Variants in TGFBR3 observed in about 807,000 individuals in gnomAD.
TGFBR3 encodes the protein transforming growth factor beta receptor 3, also known as transforming growth factor beta receptor type 3.
TGFBR3 carries 46 observed loss-of-function variants against 87.9 expected under a neutral mutation model. That is an observed-to-expected ratio of 0.52 (90% CI 0.41 to 0.67). The LOEUF is 0.67. TGFBR3 is among the 30% of genes least tolerant of loss of function. The pLI is 0.00. For missense variants in TGFBR3, 866 were observed against 1,041.9 expected (o/e 0.83, Z 2.32); for synonymous variants, 381 against 391.6 (o/e 0.97, Z 0.32).
intron 2 of TGFBR3, among the ~76,000 whole-genome samples, chr1:91,816,007 G>A (rs764144011): frequency 7.9e-5 from 12 of 152,272 alleles, no homozygotes; most frequent in Non-Finnish European, 1.2e-4. Context: ...CTGTGGATGA[G>A]AACCTCTCTG....
At chr1:91,727,595 A>G in intron 7 of TGFBR3, 64 bp downstream of exon 7, 1 of 1,600,196 alleles carries the variant, frequency 6.2e-7, no homozygotes, top group Non-Finnish European at 8.6e-7. Flanking sequence ...TAACACTTAT[A>G]AAGTACAGCT....
intron 3 of TGFBR3, among the ~76,000 whole-genome samples, chr1:91,762,243 TACCAA>T (rs1451455553): frequency 6.6e-6 from 1 of 152,120 alleles, no homozygotes; most frequent in Non-Finnish European, 1.5e-5. Context: ...ACCCTCTCCT[TACCAA>T]ACCAAACCAA....
intron 7 of TGFBR3, among the ~76,000 whole-genome samples, chr1:91,726,515 T>C (rs1225454820): frequency 7.0e-6 from 1 of 142,768 alleles, no homozygotes; most frequent in Non-Finnish European, 1.5e-5. Flanking sequence ...ACTGGGATCC[T>C]AGCAAAGTTA....
At chr1:91,707,028 CACA>C (rs1305379709) in intron 14 of TGFBR3, among the ~76,000 whole-genome samples, 4 of 152,230 alleles carry the variant, frequency 2.6e-5, no homozygotes, top group African/African-American at 9.6e-5. Flanking sequence ...ATGTACACTT[CACA>C]ACAACTTTAG....
intron 2 of TGFBR3, among the ~76,000 whole-genome samples, chr1:91,856,709 C>G (rs1372393991): frequency 1.3e-5 from 2 of 152,202 alleles, no homozygotes; most frequent in Non-Finnish European, 2.9e-5. Flanking sequence ...ATAAAGAAGG[C>G]CCACTACTTG....
intron 5 of TGFBR3, among the ~76,000 whole-genome samples, chr1:91,733,733 A>G (rs907285285): frequency 6.6e-6 from 1 of 152,164 alleles, no homozygotes; most frequent in African/African-American, 2.4e-5. Flanking sequence ...AACTGAAAAT[A>G]ATGATTTTTA....
intron 3 of TGFBR3, among the ~76,000 whole-genome samples, chr1:91,765,094 T>C (rs1277973407): frequency 6.6e-6 from 1 of 151,964 alleles, no homozygotes; most frequent in African/African-American, 2.4e-5. Context: ...TTAGCATTCA[T>C]GTACTTTATG....
chr1:91,811,708 A>C (rs1345039157), intron 2 of TGFBR3, among the ~76,000 whole-genome samples: 1 of 152,222 alleles, frequency 6.6e-6, no homozygotes, highest in East Asian at 1.9e-4. Context: ...ATTATTGTTT[A>C]ATAAACTCTC....
At chr1:91,766,041 T>C (rs1674169730) in intron 3 of TGFBR3, among the ~76,000 whole-genome samples, 1 of 152,146 alleles carries the variant, frequency 6.6e-6, no homozygotes, top group Non-Finnish European at 1.5e-5. Context: ...AGTTCTCCTT[T>C]TTTTGAGACA....
chr1:91,870,736 C>A (rs1443968432), intron 1 of TGFBR3, among the ~76,000 whole-genome samples: 1 of 152,168 alleles, frequency 6.6e-6, no homozygotes, highest in Non-Finnish European at 1.5e-5. Context: ...GTGGTTCACA[C>A]CTATAATCCC....
At chr1:91,713,155 G>T (rs1318141180) in intron 12 of TGFBR3, among the ~76,000 whole-genome samples, 2 of 152,192 alleles carry the variant, frequency 1.3e-5, no homozygotes, top group African/African-American at 4.8e-5. Context: ...TGTCCCAGCT[G>T]CTCACAGATC....
intron 3 of TGFBR3, among the ~76,000 whole-genome samples, chr1:91,773,303 G>C (rs1176324190): frequency 5.9e-5 from 9 of 151,644 alleles, no homozygotes; most frequent in Admixed American, 3.3e-4. Context: ...AAATGAAAAG[G>C]TTAGACTCTA....
At chr1:91,685,543 C>T (rs1245645825) in intron 16 of TGFBR3, among the ~76,000 whole-genome samples, 1 of 151,996 alleles carries the variant, frequency 6.6e-6, no homozygotes. Context: ...AGGATGGTAT[C>T]GATCTCCTGA....
At chr1:91,808,795 C>T (rs1259231399) in intron 2 of TGFBR3, among the ~76,000 whole-genome samples, 1 of 152,094 alleles carries the variant, frequency 6.6e-6, no homozygotes, top group Non-Finnish European at 1.5e-5. Flanking sequence ...ATATGGTGCA[C>T]CTGTCCCTAT....
intron 1 of TGFBR3, among the ~76,000 whole-genome samples, chr1:91,883,125 A>G (rs1262961588): frequency 6.6e-6 from 1 of 152,214 alleles, no homozygotes; most frequent in East Asian, 1.9e-4. Context: ...CATTTCTCCC[A>G]GGTAAGTTGA....
At chr1:91,865,238 A>G (rs1271660951) in intron 1 of TGFBR3, among the ~76,000 whole-genome samples, 1 of 151,506 alleles carries the variant, frequency 6.6e-6, no homozygotes, top group Non-Finnish European at 1.5e-5. Context: ...GAAAGAAAGA[A>G]ATATAGGTTC....
intron 14 of TGFBR3, among the ~76,000 whole-genome samples, chr1:91,706,068 G>C (rs1330430740): frequency 6.6e-6 from 1 of 152,192 alleles, no homozygotes; most frequent in African/African-American, 2.4e-5. Flanking sequence ...GAAAAAGCAA[G>C]CCGCTGCCTT....
intron 16 of TGFBR3, among the ~76,000 whole-genome samples, chr1:91,686,607 T>A (rs1002849955): frequency 3.8e-4 from 57 of 151,538 alleles, no homozygotes; most frequent in East Asian, 2.7e-3. Context: ...TTTGACAGAT[T>A]AAGTTTTTTC....
chr1:91,885,019 A>G (rs1211025989), intron 1 of TGFBR3, among the ~76,000 whole-genome samples: 1 of 152,230 alleles, frequency 6.6e-6, no homozygotes, highest in Non-Finnish European at 1.5e-5. Context: ...TGCGGTGCTT[A>G]CTCGGTGCCA....
Sources: allele counts gnomAD v4.1 joint callset (sites outside exome capture counted in the v4.1 genomes callset), GRCh38; gene constraint gnomAD v4.1.1; transcripts MANE v1.5; gene names NCBI Gene and HGNC (gene_info 2026-07-23, HGNC 2026-07-21).